RNLS: variants seen among roughly 807,000 people sequenced by gnomAD.
RNLS encodes renalase.
A neutral mutation model predicts 39.8 loss-of-function variants in RNLS; 39 were observed. That is an observed-to-expected ratio of 0.98 (90% confidence interval 0.76 to 1.28). RNLS has a LOEUF of 1.28. RNLS is among the 50% of genes most tolerant of loss of function. The pLI is 0.00. For synonymous variants in RNLS, 147 were observed against 150.7 expected (o/e 0.98, Z 0.18); for missense variants, 410 against 413.3 (o/e 0.99, Z 0.07).
chr10:88,276,740 A>C (rs938454205), intron 6 of RNLS, among the ~76,000 whole-genome samples: 54 of 152,166 alleles, frequency 3.5e-4, no homozygotes, highest in Non-Finnish European at 8.8e-5. Context: ...CAAACTTGTT[A>C]GTTATTTTTA....
chr10:88,357,131 T>C (rs1055954750), intron 5 of RNLS, among the ~76,000 whole-genome samples: 5 of 152,242 alleles, frequency 3.3e-5, no homozygotes, highest in Non-Finnish European at 7.3e-5. Flanking sequence ...ATACGTACCA[T>C]AAATACTTAC....
intron 4 of RNLS, among the ~76,000 whole-genome samples, chr10:88,409,724 A>C (rs1384342725): frequency 6.6e-6 from 1 of 152,130 alleles, no homozygotes; most frequent in Non-Finnish European, 1.5e-5. Flanking sequence ...TTGTTGGAAA[A>C]AATTAATGGC....
chr10:88,563,241 T>G (rs1254339865), intron 4 of RNLS, among the ~76,000 whole-genome samples: 2 of 152,078 alleles, frequency 1.3e-5, no homozygotes, highest in African/African-American at 2.4e-5. Flanking sequence ...AAAAATAGAT[T>G]AGCTAAGAAA....
At chr10:88,190,441 C>T in the RNLS span, among the ~76,000 whole-genome samples, 5 of 152,212 alleles carry the variant, frequency 3.3e-5, no homozygotes, top group African/African-American at 1.2e-4. Context: ...AAGGGAAGGC[C>T]TATGTGAATT....
chr10:88,548,254 TCC>T (rs1474820234), intron 4 of RNLS, among the ~76,000 whole-genome samples: 1 of 37,704 alleles, frequency 2.7e-5, no homozygotes, highest in African/African-American at 2.2e-4. Context: ...AGAGCAAGAC[TCC>T]GTCTCAAAAA....
intron 4 of RNLS, among the ~76,000 whole-genome samples, chr10:88,403,147 A>C (rs970362049): frequency 6.6e-6 from 1 of 152,054 alleles, no homozygotes; most frequent in East Asian, 1.9e-4. Context: ...GGTTTCTTCA[A>C]CAAAAGATTA....
At chr10:88,318,929 A>G (rs144195290) in intron 5 of RNLS, among the ~76,000 whole-genome samples, 20 of 152,276 alleles carry the variant, frequency 1.3e-4, no homozygotes, top group African/African-American at 4.3e-4. Flanking sequence ...GCTTCCGCTC[A>G]TCATCAATCT....
intron 6 of RNLS, among the ~76,000 whole-genome samples, chr10:88,311,357 C>G (rs1270373769): frequency 6.6e-6 from 1 of 152,146 alleles, no homozygotes; most frequent in Non-Finnish European, 1.5e-5. Flanking sequence ...ATACTTGTTA[C>G]AGAAACCTTA....
At chr10:88,466,539 C>CTA (rs1437698366) in intron 4 of RNLS, among the ~76,000 whole-genome samples, 1 of 152,094 alleles carries the variant, frequency 6.6e-6, no homozygotes, top group Non-Finnish European at 1.5e-5. Flanking sequence ...AATGGGCTTC[C>CTA]TATTGTTCAA....
chr10:88,530,418 C>CA (rs1847349873), intron 4 of RNLS, among the ~76,000 whole-genome samples: 1 of 152,004 alleles, frequency 6.6e-6, no homozygotes, highest in Non-Finnish European at 1.5e-5. Flanking sequence ...GTTTTTGTGA[C>CA]TTTTAGTTAA....
chr10:88,526,603 A>T (rs2134221183), intron 4 of RNLS, among the ~76,000 whole-genome samples: 1 of 152,032 alleles, frequency 6.6e-6, no homozygotes, highest in South Asian at 2.1e-4. Flanking sequence ...CCTCTACAAA[A>T]AAATTTAAAA....
chr10:88,576,330 T>C (rs1666889587), intron 3 of RNLS, among the ~76,000 whole-genome samples: 2 of 152,212 alleles, frequency 1.3e-5, no homozygotes, highest in Admixed American at 1.3e-4. Flanking sequence ...GATCTTCAGA[T>C]AGCTATAAAG....
the RNLS span, among the ~76,000 whole-genome samples, chr10:88,218,547 A>G: frequency 6.6e-6 from 1 of 152,038 alleles, no homozygotes; most frequent in East Asian, 1.9e-4. Flanking sequence ...GACAGCTTGG[A>G]CGGCTGGCTG....
intron 4 of RNLS, among the ~76,000 whole-genome samples, chr10:88,387,502 CAAAAAAAA>C (rs5786817): frequency 1.3e-4 from 9 of 70,114 alleles, no homozygotes; most frequent in African/African-American, 4.3e-4. Context: ...GAGAACAGAG[CAAAAAAAA>C]AAAAAAAAAA....
chr10:88,306,223 G>C (rs1177531760), intron 6 of RNLS, among the ~76,000 whole-genome samples: 2 of 152,096 alleles, frequency 1.3e-5, no homozygotes, highest in Non-Finnish European at 2.9e-5. Context: ...ACCTGAAAAA[G>C]TTGGAAAGAT....
In RNLS at chr10:88,482,440, A is replaced by G. The variant is rs113596686; in HGVS notation, c.526+90463T>C. On this transcript the variant is annotated intron_variant, in intron 4 of 6. Transcript: ENST00000331772. ...CTCAAATCTGCTACTGAGAGACTCT[A>G]GTGACTTTTTCATTTCAGGTCCTGT... 3.0e-3 allele frequency among the ~76,000 whole-genome samples: 450 copies of G among 152,234 alleles called. 4 individuals are homozygous for G. Among genetic ancestry groups the G allele is most frequent in the African/African-American group, 0.01 (430 of 41,554 alleles).
the RNLS span, among the ~76,000 whole-genome samples, chr10:88,196,518 G>A: frequency 6.6e-6 from 1 of 152,182 alleles, no homozygotes; most frequent in Non-Finnish European, 1.5e-5. Flanking sequence ...TCCACTGGCT[G>A]TGACTTGCTT....
chr10:88,375,273 C>G lies in RNLS; in HGVS notation c.527-12548G>C, dbSNP rs549496096. On this transcript the variant is annotated intron_variant, in intron 4 of 6. Transcript: ENST00000331772. The stretch of plus-strand genomic sequence containing the variant: ...AAAATGGCTTTAATGCTTAGAGTTG[C>G]AGGGACAAGAAAAACCACATTCTTT... Among the ~76,000 whole-genome samples the G allele has an allele frequency of 8.1e-4, 124 of 152,154 alleles. No homozygotes were observed. The South Asian group carries it at 9.9e-3, about 12-fold the overall frequency.
At chr10:88,317,897 T>C (rs1845882790) in intron 5 of RNLS, among the ~76,000 whole-genome samples, 1 of 152,100 alleles carries the variant, frequency 6.6e-6, no homozygotes. Context: ...GGGTAGTGGG[T>C]GTGCTTCTCT....
Sources: gnomAD v4.1 joint callset for allele counts (sites outside exome capture counted in the v4.1 genomes callset) on GRCh38, gnomAD v4.1.1 for gene constraint, MANE v1.5 for transcripts, NCBI Gene and HGNC (gene_info 2026-07-23, HGNC 2026-07-21) for gene names.